The following MYO16 variants were observed in gnomAD, a reference collection of about 807,000 sequenced individuals.
The protein encoded by MYO16 is myosin XVI, also known as unconventional myosin-XVI.
In MYO16, 94 loss-of-function variants were observed where a neutral mutation model predicts 205.3. That is an observed-to-expected ratio of 0.46 (90% confidence interval 0.39 to 0.54). MYO16 has a LOEUF of 0.54. Among genes scored for constraint, MYO16 ranks in the 20% least tolerant of loss-of-function variants. MYO16 has a pLI of 0.00. For missense variants in MYO16, 2,315 were observed against 2,387.5 expected (o/e 0.97, Z 0.63); for synonymous variants, 988 against 954.0 (o/e 1.04, Z -0.66).
At chr13:109,049,303 G>T (rs935577722) in intron 24 of MYO16, among the ~76,000 whole-genome samples, 1 of 152,086 alleles carries the variant, frequency 6.6e-6, no homozygotes, top group Non-Finnish European at 1.5e-5. Flanking sequence ...GAGTTCCTTT[G>T]CTCGGTTTTA....
chr13:108,900,127 CA>C (rs765513256), intron 15 of MYO16, among the ~76,000 whole-genome samples: 3 of 151,956 alleles, frequency 2.0e-5, no homozygotes, highest in African/African-American at 4.9e-5. Flanking sequence ...CCATTACTAA[CA>C]TTTTTTTTCC....
chr13:109,009,856 C>T (rs1433042559), intron 22 of MYO16, among the ~76,000 whole-genome samples: 2 of 152,190 alleles, frequency 1.3e-5, no homozygotes, highest in African/African-American at 4.8e-5. Flanking sequence ...TTACAGCCCT[C>T]TTCCTCCAGA....
At chr13:109,053,096 C>T (rs1272581905) in intron 25 of MYO16, among the ~76,000 whole-genome samples, 1 of 152,062 alleles carries the variant, frequency 6.6e-6, no homozygotes, top group East Asian at 1.9e-4. Context: ...TTTTAGGTTT[C>T]TTCAGAATCC....
chr13:108,647,975 A>G (rs963035414), intron 1 of MYO16, among the ~76,000 whole-genome samples: 1 of 152,222 alleles, frequency 6.6e-6, no homozygotes, highest in Admixed American at 6.5e-5. Context: ...TGCTCTGTAA[A>G]TGCAACTGTA....
At chr13:108,836,861 C>T (rs1033423213) in intron 9 of MYO16, among the ~76,000 whole-genome samples, 9 of 152,160 alleles carry the variant, frequency 5.9e-5, no homozygotes, top group East Asian at 1.9e-4. Context: ...AACTAACTTG[C>T]TTTCAAATTT....
At chr13:109,100,191 G>T (rs1888917227) in intron 27 of MYO16, among the ~76,000 whole-genome samples, 1 of 152,132 alleles carries the variant, frequency 6.6e-6, no homozygotes, top group South Asian at 2.1e-4. Context: ...AAACCTGTAG[G>T]AAACTATTAT....
chr13:108,495,972 C>T, the MYO16 span, among the ~76,000 whole-genome samples: 1 of 152,036 alleles, frequency 6.6e-6, no homozygotes, highest in African/African-American at 2.4e-5. Flanking sequence ...GCGGGGAACG[C>T]GGCGGGGCAG....
rs1470305333 is a variant in MYO16 at position 108,922,801 on chromosome 13, G to C, written c.1925+12651G>C. ...ACCTTCTATGCCATAATAGGAATTAGCACTTTGAATCTAATACTTTAAATC... is the reference window on the plus strand; with the variant it reads ...ACCTTCTATGCCATAATAGGAATTACCACTTTGAATCTAATACTTTAAATC... On this transcript the variant is annotated intron_variant, in intron 16 of 34. Coordinates refer to ENST00000457511, the MANE Select transcript of MYO16 (RefSeq NM_001198950.3). Among the ~76,000 whole-genome samples the C allele has an allele frequency of 3.3e-5, 5 of 152,330 alleles. No individual in the cohort carries two copies. In the South Asian group the frequency reaches 1.0e-3, roughly 32 times the overall value.
intron 16 of MYO16, among the ~76,000 whole-genome samples, chr13:108,940,083 C>G (rs948470074): frequency 1.3e-5 from 2 of 152,014 alleles, no homozygotes; most frequent in African/African-American, 4.8e-5. Context: ...ACATATTGTA[C>G]CTGTAAACTC....
the MYO16 span, among the ~76,000 whole-genome samples, chr13:108,581,180 A>G: frequency 6.6e-6 from 1 of 152,200 alleles, no homozygotes; most frequent in Non-Finnish European, 1.5e-5. Flanking sequence ...GAAAAGCGAT[A>G]TAAGAACTTA....
At chr13:108,801,451 T>G (rs1886966716) in intron 6 of MYO16, among the ~76,000 whole-genome samples, 1 of 152,200 alleles carries the variant, frequency 6.6e-6, no homozygotes, top group South Asian at 2.1e-4. Flanking sequence ...ATGTATCAAA[T>G]GGAAATCACT....
intron 6 of MYO16, among the ~76,000 whole-genome samples, chr13:108,798,685 C>CTTTTTTTT: frequency 9.5e-6 from 1 of 105,226 alleles, no homozygotes; most frequent in African/African-American, 3.6e-5. Context: ...GGCCCCGAGG[C>CTTTTTTTT]TTATTTTTTT....
intron 1 of MYO16, among the ~76,000 whole-genome samples, chr13:108,612,134 A>G (rs78758213): frequency 0.059 from 9,002 of 152,074 alleles, 340 homozygotes; most frequent in Admixed American, 0.11. Flanking sequence ...TACTTTATGG[A>G]TAAGATATGA....
chr13:108,807,448 G>T (rs1383830023), intron 7 of MYO16, among the ~76,000 whole-genome samples: 1 of 152,114 alleles, frequency 6.6e-6, no homozygotes, highest in Non-Finnish European at 1.5e-5. Context: ...AGCACCTCCT[G>T]TAAAAAAAGA....
At chr13:109,027,477 G>T (rs1335316881) in intron 23 of MYO16, among the ~76,000 whole-genome samples, 1 of 152,020 alleles carries the variant, frequency 6.6e-6, no homozygotes, top group East Asian at 1.9e-4. Context: ...ACCACATCGT[G>T]GGGTGACATT....
At chr13:108,901,663 G>A (rs533642221) in intron 15 of MYO16, among the ~76,000 whole-genome samples, 1 of 152,086 alleles carries the variant, frequency 6.6e-6, no homozygotes, top group South Asian at 2.1e-4. Flanking sequence ...TACTCATTTT[G>A]TTCCCCTAAT....
intron 28 of MYO16, among the ~76,000 whole-genome samples, chr13:109,106,079 G>A (rs956082746): frequency 5.3e-5 from 8 of 152,230 alleles, no homozygotes; most frequent in African/African-American, 1.4e-4. Flanking sequence ...AAAAAGGAAT[G>A]GAAGTATTTT....
chr13:108,701,254 G>A (rs1018550410), intron 2 of MYO16, among the ~76,000 whole-genome samples: 1 of 152,080 alleles, frequency 6.6e-6, no homozygotes, highest in Non-Finnish European at 1.5e-5. Flanking sequence ...TATTCATCAT[G>A]TTTAGTGCTA....
Position 108,775,596 on chromosome 13 carries a change from A to G in MYO16, c.508-10039A>G, listed in dbSNP as rs79706088. ...CCTCGTGGGTCATATCACCTTTGAT[A>G]TGCTGAAAACTAGATTTTCTGAGGT... On this transcript the variant is annotated intron_variant, in intron 4 of 34. Transcript: ENST00000457511. Among the ~76,000 whole-genome samples, 111 of 151,494 alleles carry G rather than the reference A, an allele frequency of 7.3e-4. No individual in the cohort carries two copies. The East Asian group carries it at 0.02, about 27-fold the overall frequency.
Sources: gnomAD v4.1 joint callset for allele counts (sites outside exome capture counted in the v4.1 genomes callset) on GRCh38, gnomAD v4.1.1 for gene constraint, MANE v1.5 for transcripts, NCBI Gene and HGNC (gene_info 2026-07-23, HGNC 2026-07-21) for gene names.